SLCO1A2: variants seen among roughly 807,000 people sequenced by gnomAD.
SLCO1A2 encodes solute carrier organic anion transporter family member 1A2, also known as OATP-1.
A neutral mutation model predicts 69.0 loss-of-function variants in SLCO1A2; 67 were observed. The observed-to-expected ratio is 0.97, with a 90% confidence interval of 0.80 to 1.19. SLCO1A2 has a LOEUF of 1.19. Ranked by LOEUF, SLCO1A2 falls within the 50% of genes most tolerant of loss-of-function variation. SLCO1A2 has a pLI of 0.00. For missense variants in SLCO1A2, 787 were observed against 793.7 expected (o/e 0.99, Z 0.10); for synonymous variants, 260 against 265.9 (o/e 0.98, Z 0.22).
Position 21,275,425 on chromosome 12 carries a change from C to T in SLCO1A2, c.1611-1G>A. The T allele has an allele frequency of 6.1e-6, 9 of 1,467,790 alleles. No homozygotes were observed. The highest frequency in any genetic ancestry group is 8.2e-6 in the Non-Finnish European group (9 of 1,095,530). 90.9% of individuals were successfully genotyped at this position (1,467,790 alleles called of 1,614,324 possible). A position where few individuals can be genotyped will look rare whatever the true frequency, so the allele number is the denominator to read the frequency against. ...GGACTTCTCTTCAGATTTCATACACCTGAAAAGTAAATAAGTTTGTAAATA... is the reference window on the plus strand; with the variant it reads ...GGACTTCTCTTCAGATTTCATACACTTGAAAAGTAAATAAGTTTGTAAATA... On this transcript the variant is annotated splice_acceptor_variant, in intron 12 of 14. Coordinates refer to ENST00000683939, the MANE Select transcript of SLCO1A2 (RefSeq NM_001386879.1). LOFTEE classifies it high-confidence loss of function.
In SLCO1A2 at chr12:21,306,212, G is replaced by T. The variant is rs1180873506; in HGVS notation, c.442+670C>A. ...CACAAATCTCTTGAACTTTGTTTCT[G>T]TCTCTAGTTCCTATTTACATAATCA... On this transcript the variant is annotated intron_variant, in intron 5 of 14. Coordinates refer to ENST00000683939, the MANE Select transcript of SLCO1A2 (RefSeq NM_001386879.1). 2.0e-5 allele frequency among the ~76,000 whole-genome samples: 3 copies of T among 152,204 alleles called. No homozygotes were observed. In the East Asian group the frequency reaches 5.8e-4, roughly 29 times the overall value.
chr12:21,351,406 A>G (rs1162754323), intron 2 of SLCO1A2, among the ~76,000 whole-genome samples: 4 of 152,170 alleles, frequency 2.6e-5, no homozygotes, highest in Non-Finnish European at 5.9e-5. Flanking sequence ...AGAAAGTTCA[A>G]ATTACCTCCA....
At chr12:21,406,939 A>G (rs1486008078) in intron 1 of SLCO1A2, among the ~76,000 whole-genome samples, 1 of 152,216 alleles carries the variant, frequency 6.6e-6, no homozygotes, top group East Asian at 1.9e-4. Context: ...TATATATCCC[A>G]TCTTTTCTCA....
At chr12:21,344,302 A>T (rs980137048) in intron 2 of SLCO1A2, among the ~76,000 whole-genome samples, 1 of 152,042 alleles carries the variant, frequency 6.6e-6, no homozygotes, top group Non-Finnish European at 1.5e-5. Flanking sequence ...TCTCTCCTTA[A>T]TCCATCATAC....
intron 10 of SLCO1A2, 110 bp downstream of exon 10, chr12:21,295,487 A>G (rs1947573964): frequency 2.9e-6 from 2 of 698,652 alleles, no homozygotes; most frequent in Non-Finnish European, 4.9e-6. Flanking sequence ...AGCATGGATT[A>G]CTATCATTAA....
At chr12:21,367,422 G>C (rs1939472520) in intron 2 of SLCO1A2, among the ~76,000 whole-genome samples, 1 of 152,216 alleles carries the variant, frequency 6.6e-6, no homozygotes, top group Admixed American at 6.5e-5. Flanking sequence ...AAAGCAGTCA[G>C]TTTGGAGAAA....
intron 1 of SLCO1A2, among the ~76,000 whole-genome samples, chr12:21,375,908 A>C (rs898516488): frequency 3.8e-5 from 4 of 105,154 alleles, no homozygotes; most frequent in Non-Finnish European, 8.8e-5. Context: ...GTCAATGAGA[A>C]AAAAATGCCT....
intron 2 of SLCO1A2, among the ~76,000 whole-genome samples, chr12:21,327,650 A>C (rs994777701): frequency 3.3e-5 from 5 of 152,164 alleles, no homozygotes; most frequent in African/African-American, 1.2e-4. Flanking sequence ...ACTGGATTTC[A>C]AACTTGCATG....
At chr12:21,373,232 C>A (rs187219952) in intron 2 of SLCO1A2, 2 of 750,212 alleles carry the variant, frequency 2.7e-6, no homozygotes, top group African/African-American at 3.5e-5. Context: ...TTGTAAATTA[C>A]GTTTTAAAAA....
At chr12:21,362,719 T>C (rs1401746015) in intron 2 of SLCO1A2, among the ~76,000 whole-genome samples, 1 of 151,520 alleles carries the variant, frequency 6.6e-6, no homozygotes, top group African/African-American at 2.4e-5. Flanking sequence ...ACCAAGCAAA[T>C]GGAAAACAAA....
intron 2 of SLCO1A2, among the ~76,000 whole-genome samples, chr12:21,348,042 C>T (rs1422344648): frequency 1.3e-5 from 2 of 152,166 alleles, no homozygotes; most frequent in Non-Finnish European, 2.9e-5. Context: ...TCAACATCCA[C>T]CTTTTAGTCT....
At chr12:21,304,004 A>T (rs1949042368) in intron 6 of SLCO1A2, among the ~76,000 whole-genome samples, 1 of 152,212 alleles carries the variant, frequency 6.6e-6, no homozygotes, top group Non-Finnish European at 1.5e-5. Context: ...AAACTGAGAA[A>T]ATAAAATTCT....
intron 1 of SLCO1A2, among the ~76,000 whole-genome samples, chr12:21,381,408 GA>G (rs1940579843): frequency 6.6e-6 from 1 of 151,980 alleles, no homozygotes; most frequent in African/African-American, 2.4e-5. Context: ...CAACAAACAT[GA>G]AAAAAATGCG....
intron 8 of SLCO1A2, 104 bp from the exon 9 acceptor site, chr12:21,297,672 A>G (rs1214204313): frequency 1.4e-6 from 1 of 720,348 alleles, no homozygotes; most frequent in Non-Finnish European, 2.2e-6. Flanking sequence ...GTTTTTTACT[A>G]TTTTGTAATA....
At position 21,269,682 on chromosome 12, in the gene SLCO1A2, G is replaced by T. The variant is rs777970806; in HGVS notation, c.1879C>A (p.His627Asn). Residue 627 changes from histidine to asparagine, a missense_variant, in exon 15 of 15, where the codon CAT becomes AAT. Transcript: ENST00000683939. ...GAAGAGGCATTTTCACCAGGTAGAT[G>T]ACACTTCCTCAAAAGAATTAAGATG... ...LIILILLRKC[H>N]LPGENASSGT... The T allele has an allele frequency of 3.1e-6, 5 of 1,612,650 alleles. No homozygotes were observed. Among genetic ancestry groups the T allele is most frequent in the Non-Finnish European group, 4.2e-6 (5 of 1,179,094 alleles).
intron 2 of SLCO1A2, among the ~76,000 whole-genome samples, chr12:21,328,209 A>G (rs892864914): frequency 1.3e-5 from 2 of 152,206 alleles, no homozygotes; most frequent in African/African-American, 4.8e-5. Flanking sequence ...CTTTTTCTTT[A>G]TAAATTACCC....
chr12:21,371,902 T>C (rs912097716), intron 2 of SLCO1A2, among the ~76,000 whole-genome samples: 6 of 151,872 alleles, frequency 4.0e-5, no homozygotes, highest in African/African-American at 1.2e-4. Context: ...CTCTGTAGGC[T>C]GAGGCAGGAG....
intron 12 of SLCO1A2, among the ~76,000 whole-genome samples, chr12:21,287,524 C>G (rs1244746248): frequency 4.3e-5 from 6 of 138,768 alleles, no homozygotes; most frequent in East Asian, 2.0e-4. Context: ...TATACCCAAA[C>G]GACTATAAAT....
At chr12:21,302,980 C>T (rs1461031802) in intron 6 of SLCO1A2, among the ~76,000 whole-genome samples, 1 of 152,178 alleles carries the variant, frequency 6.6e-6, no homozygotes, top group Non-Finnish European at 1.5e-5. Context: ...GCATGAGCCA[C>T]CACACCTGGT....
Sources: allele counts gnomAD v4.1 joint callset (sites outside exome capture counted in the v4.1 genomes callset), GRCh38; gene constraint gnomAD v4.1.1; transcripts MANE v1.5; gene names NCBI Gene and HGNC (gene_info 2026-07-23, HGNC 2026-07-21).